SDK2: variants seen among roughly 807,000 people sequenced by gnomAD.
The protein encoded by SDK2 is protein sidekick-2.
SDK2 carries 105 observed loss-of-function variants against 253.9 expected under a neutral mutation model. The observed-to-expected ratio is 0.41, with a 90% CI of 0.35 to 0.49. SDK2 has a LOEUF of 0.49. SDK2 is among the 20% of genes least tolerant of loss of function. SDK2 has a pLI of 0.06. For synonymous variants in SDK2, 1,249 were observed against 1,234.9 expected, an observed-to-expected ratio of 1.01 and a Z score of -0.24; for missense variants, 2,608 against 3,003.0, an observed-to-expected ratio of 0.87 and a Z score of 3.07.
rs554912530 is a variant in SDK2 at position 73,618,681 on chromosome 17, C to T, written c.64+25344G>A. 2.6e-4 allele frequency among the ~76,000 whole-genome samples: 40 copies of T among 152,282 alleles called. No homozygotes were observed. The highest frequency in any genetic ancestry group is 8.7e-4 in the African/African-American group (36 of 41,562). ...GCAGAGGCCAAGCAAGACTCTTCTA[C>T]AGGGAAGGTACTTAGACAGGCAACT... is the stretch of plus-strand genomic sequence containing the variant. On this transcript the variant is annotated intron_variant, in intron 1 of 44. Coordinates refer to ENST00000392650, the MANE Select transcript of SDK2 (RefSeq NM_001144952.2). This position sits in a 1 kb window ranked among gnomAD's most constrained non-coding sequence, Gnocchi z 4.1.
chr17:73,546,363 G>C (rs1264161119), intron 1 of SDK2, among the ~76,000 whole-genome samples: 1 of 152,248 alleles, frequency 6.6e-6, no homozygotes, highest in Non-Finnish European at 1.5e-5. Context: ...CTTTTGCTCT[G>C]AAATGATACC....
chr17:73,386,406 G>T, intron 31 of SDK2, 39 bp downstream of exon 31: 1 of 1,386,246 alleles, frequency 7.2e-7, no homozygotes, highest in Non-Finnish European at 1.0e-6. Flanking sequence ...GAAGCAGCCA[G>T]TGGGCTGAGA....
chr17:73,581,287 G>A (rs1230000388), intron 1 of SDK2, among the ~76,000 whole-genome samples: 5 of 152,102 alleles, frequency 3.3e-5, no homozygotes, highest in East Asian at 1.9e-4. Flanking sequence ...TTTACACTGG[G>A]CCCTGCAAAC....
intron 4 of SDK2, among the ~76,000 whole-genome samples, chr17:73,452,967 A>T (rs1178024264): frequency 1.3e-5 from 2 of 152,202 alleles, no homozygotes; most frequent in Non-Finnish European, 2.9e-5. Context: ...ATTGAGCATT[A>T]AGTTAGGCCT....
intron 1 of SDK2, among the ~76,000 whole-genome samples, chr17:73,525,073 T>A (rs1599648149): frequency 1.3e-5 from 2 of 152,358 alleles, no homozygotes; most frequent in Non-Finnish European, 2.9e-5. Context: ...TTGGGCCTCA[T>A]TCCCTTTAGG....
At position 73,502,054 on chromosome 17, in the gene SDK2, G is replaced by T. The variant is rs114886733; in HGVS notation, c.224+5384C>A. Reference sequence around the variant, plus strand: ...GCCACAATCACACATACTCAGAAGGGTGCACAGGCTTGCCTTTGTGTAGTG... The same window carrying T: ...GCCACAATCACACATACTCAGAAGGTTGCACAGGCTTGCCTTTGTGTAGTG... On this transcript the variant is annotated intron_variant, in intron 2 of 44. Transcript: ENST00000392650. Among the ~76,000 whole-genome samples, 648 of 150,990 alleles carry T rather than the reference G, an allele frequency of 4.3e-3. 6 individuals carry two copies. Among genetic ancestry groups the T allele is most frequent in the African/African-American group, 0.015 (618 of 40,834 alleles).
At chr17:73,608,716 T>C (rs975796320) in intron 1 of SDK2, among the ~76,000 whole-genome samples, 3 of 152,180 alleles carry the variant, frequency 2.0e-5, no homozygotes, top group Non-Finnish European at 4.4e-5. Context: ...GTGCTGGGAT[T>C]ATAGGTGTGA....
intron 1 of SDK2, among the ~76,000 whole-genome samples, chr17:73,590,292 AG>A (rs2045664089): frequency 6.6e-6 from 1 of 152,244 alleles, no homozygotes; most frequent in African/African-American, 2.4e-5. Flanking sequence ...GAGGAGTACC[AG>A]GAACACATGA....
At chr17:73,498,581 A>G (rs1192435405) in intron 2 of SDK2, among the ~76,000 whole-genome samples, 1 of 152,228 alleles carries the variant, frequency 6.6e-6, no homozygotes, top group Non-Finnish European at 1.5e-5. Flanking sequence ...TTGGAAGCAG[A>G]AGGCCTGGCA....
chr17:73,545,008 T>G (rs1408788892), intron 1 of SDK2, among the ~76,000 whole-genome samples: 1 of 152,132 alleles, frequency 6.6e-6, no homozygotes, highest in Non-Finnish European at 1.5e-5. Context: ...CCTCCACTCC[T>G]TCTTCCTTGG....
chr17:73,603,150 G>A (rs1205429166), intron 1 of SDK2, among the ~76,000 whole-genome samples: 3 of 152,170 alleles, frequency 2.0e-5, no homozygotes, highest in Non-Finnish European at 4.4e-5. Flanking sequence ...GTCCCCTGGA[G>A]GGCAATGTCA....
Position 73,641,102 on chromosome 17 carries a change from T to C in SDK2, c.64+2923A>G, listed in dbSNP as rs568307039. The stretch of plus-strand genomic sequence containing the variant: ...TCTTTGAGACACAGTGATGTGGCCA[T>C]GGAAGGAATTTAAAGAAACCTCCTG... On this transcript the variant is annotated intron_variant, in intron 1 of 44. Transcript: ENST00000392650. The C allele has an allele frequency of 3.3e-5, 5 of 152,374 alleles. No homozygotes were observed. In the South Asian group the frequency reaches 1.0e-3, roughly 32 times the overall value. 9.4% of individuals were successfully genotyped at this position (152,374 alleles called of 1,614,324 possible).
chr17:73,525,235 G>A (rs1448568189), intron 1 of SDK2, among the ~76,000 whole-genome samples: 2 of 152,200 alleles, frequency 1.3e-5, no homozygotes, highest in Non-Finnish European at 2.9e-5. Flanking sequence ...CTGACACAGG[G>A]AGAGGGAGGG....
chr17:73,466,721 C>CCG (rs1555584428), intron 3 of SDK2, among the ~76,000 whole-genome samples: 2 of 146,126 alleles, frequency 1.4e-5, no homozygotes, highest in African/African-American at 5.1e-5. Context: ...GAACGCCCCC[C>CCG]CCCCCCGGCT....
rs141489873 is a variant in SDK2 at position 73,433,715 on chromosome 17, A to C, written c.1312+17T>G. 3 of 1,546,582 alleles carry C rather than the reference A, an allele frequency of 1.9e-6. No individual in the cohort carries two copies. Among genetic ancestry groups the C allele is most frequent in the African/African-American group, 1.4e-5 (1 of 73,638 alleles). On this transcript the variant is annotated intron_variant, in intron 10 of 44. Coordinates refer to ENST00000392650, the MANE Select transcript of SDK2 (RefSeq NM_001144952.2). ...GCTATCACCCAGCCACACTCTCTGA[A>C]GGTGTGTTCCATCTACCTTTCTGCC...
At chr17:73,495,619 CGTGTGT>C (rs60091992) in intron 2 of SDK2, among the ~76,000 whole-genome samples, 5 of 148,436 alleles carry the variant, frequency 3.4e-5, no homozygotes, top group African/African-American at 9.9e-5. Context: ...AGGCCTGCCC[CGTGTGT>C]GTGTGTGTGT....
chr17:73,557,379 T>A (rs533840259), intron 1 of SDK2, among the ~76,000 whole-genome samples: 60 of 152,120 alleles, frequency 3.9e-4, no homozygotes, highest in African/African-American at 1.4e-3. Context: ...CTCGGCTCAC[T>A]GCAACCTCCA....
At chr17:73,432,597 G>GA (rs1730542550) in intron 10 of SDK2, among the ~76,000 whole-genome samples, 1 of 152,054 alleles carries the variant, frequency 6.6e-6, no homozygotes. Context: ...GACTTTGTGG[G>GA]GAGACAGGCC....
At chr17:73,586,742 G>A (rs2045608239) in intron 1 of SDK2, among the ~76,000 whole-genome samples, 1 of 152,156 alleles carries the variant, frequency 6.6e-6, no homozygotes, top group Non-Finnish European at 1.5e-5. Context: ...AAGCCTGAAG[G>A]TCCAGCAGTT....
Sources: gnomAD v4.1 joint callset for allele counts (sites outside exome capture counted in the v4.1 genomes callset) on GRCh38, gnomAD v4.1.1 for gene constraint, Gnocchi (gnomAD v3.1) non-coding constraint, MANE v1.5 for transcripts, NCBI Gene and HGNC (gene_info 2026-07-23, HGNC 2026-07-21) for gene names.